The following FAM222B variants were observed in gnomAD, a reference collection of about 807,000 sequenced individuals.
FAM222B encodes protein FAM222B.
FAM222B carries 12 observed loss-of-function variants against 38.0 expected under a neutral mutation model. The ratio of observed to expected loss-of-function variants is 0.32; its 90% CI spans 0.20 to 0.51. The LOEUF (loss-of-function observed/expected upper bound fraction) is 0.51. Ranked by LOEUF, FAM222B falls within the 20% of genes least tolerant of loss-of-function variation. FAM222B has a pLI of 0.97. For synonymous variants in FAM222B, 329 were observed against 317.2 expected, an observed-to-expected ratio of 1.04 and a Z score of -0.40; for missense variants, 716 against 754.2, an observed-to-expected ratio of 0.95 and a Z score of 0.59.
In FAM222B at chr17:28,842,727, G is replaced by GCCGCCCGCCGCCCA. The variant is rs1163433585; in HGVS notation, c.-87_-86insTGGGCGGCGGGCGG. On this transcript the variant is annotated 5_prime_UTR_variant, in exon 1 of 3. Transcript: ENST00000581407. Reference sequence around the variant, plus strand: ...CCTCATGGCTGCTCCTTTGCCGCCCGCCGCCCGCCGCCACCACTTCTCCAC... The same window carrying GCCGCCCGCCGCCCA: ...CCTCATGGCTGCTCCTTTGCCGCCCGCCGCCCGCCGCCCACCGCCCGCCGCCACCACTTCTCCAC... The GCCGCCCGCCGCCCA allele has an allele frequency of 6.5e-6, 1 of 153,868 alleles. No individual in the cohort carries two copies. The highest frequency in any genetic ancestry group is 2.4e-5 in the African/African-American group (1 of 41,376). 9.5% of individuals were successfully genotyped at this position (153,868 alleles called of 1,614,324 possible). A position where few individuals can be genotyped will look rare whatever the true frequency, so the allele number is the denominator to read the frequency against.
At chr17:28,838,180 G>A (rs1308080634) in intron 1 of FAM222B, among the ~76,000 whole-genome samples, 1 of 135,870 alleles carries the variant, frequency 7.4e-6, no homozygotes, top group East Asian at 1.9e-4. Context: ...CAGGAGAACT[G>A]CTTGAAGCAG....
chr17:28,815,491 G>A (rs928389481), intron 1 of FAM222B, among the ~76,000 whole-genome samples: 1 of 152,126 alleles, frequency 6.6e-6, no homozygotes, highest in African/African-American at 2.4e-5. Flanking sequence ...TGGGATTACA[G>A]GCGTGAGCCA....
At chr17:28,827,248 T>C (rs570693671) in intron 1 of FAM222B, among the ~76,000 whole-genome samples, 2 of 152,188 alleles carry the variant, frequency 1.3e-5, no homozygotes, top group Middle Eastern at 6.8e-3. Flanking sequence ...TCCTAGCTAC[T>C]TGGGAGGCTG....
intron 1 of FAM222B, among the ~76,000 whole-genome samples, chr17:28,809,989 TTTTTTG>T (rs997705391): frequency 2.2e-4 from 34 of 151,884 alleles, no homozygotes; most frequent in South Asian, 4.2e-4. Flanking sequence ...CAACTGGTTT[TTTTTTG>T]TTTTTGTTTT....
At chr17:28,803,510 G>A (rs774125450) in intron 1 of FAM222B, among the ~76,000 whole-genome samples, 4 of 151,574 alleles carry the variant, frequency 2.6e-5, no homozygotes, top group Non-Finnish European at 4.4e-5. Context: ...TTGCTTGGGC[G>A]GGTCTCAAAC....
At chr17:28,828,918 T>A (rs77425758) in intron 1 of FAM222B, among the ~76,000 whole-genome samples, 129 of 152,040 alleles carry the variant, frequency 8.5e-4, no homozygotes, top group African/African-American at 3.0e-3. Flanking sequence ...TTTTTTTTTT[T>A]AATTGAGACG....
intron 1 of FAM222B, among the ~76,000 whole-genome samples, chr17:28,849,749 C>T (rs1598070431): frequency 6.6e-6 from 1 of 152,072 alleles, no homozygotes; most frequent in East Asian, 1.9e-4. Flanking sequence ...TCTCCTCTTT[C>T]CCTATAAGGG....
At chr17:28,847,421 C>T (rs2039152578), upstream of FAM222B, among the ~76,000 whole-genome samples, 1 of 151,378 alleles carries the variant, frequency 6.6e-6, no homozygotes, top group Non-Finnish European at 1.5e-5. Context: ...GGAGAAACCC[C>T]ATCTCTACTA....
In FAM222B at chr17:28,759,543, A is replaced by G. The variant is rs760810702; in HGVS notation, c.416T>C (p.Val139Ala). Residue 139 changes from valine (V) to alanine (A), a missense_variant, in exon 3 of 3, where the codon GTG (valine) becomes GCG (alanine). Transcript: ENST00000581407. The surrounding 1 kb of genome is among the most constrained non-coding windows in gnomAD (Gnocchi z 4.8). ...GGGGTGGGCTAAAGTGCTGGGTGCCACAGTAGCATAGGGTGCCACTGGGGG... is the reference window on the plus strand; with the variant it reads ...GGGGTGGGCTAAAGTGCTGGGTGCCGCAGTAGCATAGGGTGCCACTGGGGG... Reference protein sequence around the residue: ...MNPPVAPYATVAPSTLAHPQA... With the variant: ...MNPPVAPYATAAPSTLAHPQA... 7 of 1,601,296 alleles carry G rather than the reference A, an allele frequency of 4.4e-6. No homozygotes were observed. Among genetic ancestry groups the G allele is most frequent in the Middle Eastern group, 1.7e-4 (1 of 6,002 alleles).
chr17:28,777,998 C>T (rs2035969952), intron 1 of FAM222B, among the ~76,000 whole-genome samples: 2 of 146,248 alleles, frequency 1.4e-5, no homozygotes, highest in Admixed American at 1.4e-4. Context: ...TCATGTTGCC[C>T]AGGCTGGACT....
rs375898860 is a variant in FAM222B at position 28,767,454 on chromosome 17, G to A, written c.-40-747C>T. On this transcript the variant is annotated intron_variant, in intron 1 of 2. Coordinates refer to ENST00000581407, the MANE Select transcript of FAM222B (RefSeq NM_001077498.3). ...ATTACAGGTGTGAGCCACTGCACCC[G>A]GCCATGAACTTACATTTATTTACTT... Among the ~76,000 whole-genome samples, 85 of 151,738 alleles carry A rather than the reference G, an allele frequency of 5.6e-4. 3 individuals are homozygous for A. The East Asian group carries it at 0.013, about 23-fold the overall frequency.
At chr17:28,765,690 C>T (rs1229345021) in intron 2 of FAM222B, among the ~76,000 whole-genome samples, 4 of 152,072 alleles carry the variant, frequency 2.6e-5, no homozygotes, top group Admixed American at 6.6e-5. Flanking sequence ...GGAAGGAGTC[C>T]GGGAAAATAT....
upstream of FAM222B, among the ~76,000 whole-genome samples, chr17:28,843,309 G>GTA (rs2039107390): frequency 6.8e-6 from 1 of 147,090 alleles, no homozygotes; most frequent in Non-Finnish European, 1.5e-5. Context: ...AGCTAATTTT[G>GTA]TATTTTTAGT....
chr17:28,766,511 G>T, intron 2 of FAM222B, 75 bp downstream of exon 2: 4 of 1,197,114 alleles, frequency 3.3e-6, no homozygotes, highest in Non-Finnish European at 4.8e-6. Context: ...TACCCCAGAT[G>T]TGCTTCAAGG....
chr17:28,773,479 CAAAA>C (rs66716142), intron 1 of FAM222B, among the ~76,000 whole-genome samples: 1 of 60,786 alleles, frequency 1.6e-5, no homozygotes, highest in East Asian at 5.4e-4. Flanking sequence ...AACTCTGTCT[CAAAA>C]AAAAAAAAAA....
intron 1 of FAM222B, among the ~76,000 whole-genome samples, chr17:28,782,418 A>G (rs2036204407): frequency 6.6e-6 from 1 of 152,234 alleles, no homozygotes; most frequent in South Asian, 2.1e-4. Context: ...AGTGCTGTTC[A>G]TAATTATTTA....
Position 28,803,750 on chromosome 17 carries a change from C to T in FAM222B, c.-40-37043G>A, listed in dbSNP as rs191531785. 8.8e-4 allele frequency among the ~76,000 whole-genome samples: 134 copies of T among 152,022 alleles called. 1 individual carries two copies. The East Asian group carries it at 0.022, about 25-fold the overall frequency. On this transcript the variant is annotated intron_variant, in intron 1 of 2. Coordinates refer to ENST00000581407, the MANE Select transcript of FAM222B (RefSeq NM_001077498.3). ...ATCCCAGCACTTTGGGAGGCCGAGA[C>T]GGGTGGATCAAGAGGTCAGGAGTTC... is the stretch of plus-strand genomic sequence containing the variant.
At chr17:28,775,309 A>G (rs2035834445) in intron 1 of FAM222B, among the ~76,000 whole-genome samples, 1 of 151,976 alleles carries the variant, frequency 6.6e-6, no homozygotes, top group South Asian at 2.1e-4. Context: ...GAAAAGGAGG[A>G]GAAGATAAAG....
intron 2 of FAM222B, among the ~76,000 whole-genome samples, chr17:28,762,469 T>C (rs1156858045): frequency 3.0e-5 from 4 of 135,064 alleles, no homozygotes; most frequent in Non-Finnish European, 4.8e-5. Flanking sequence ...CTACTAAAAA[T>C]ACAAAAAATT....
Sources: gnomAD v4.1 joint callset for allele counts (sites outside exome capture counted in the v4.1 genomes callset) on GRCh38, gnomAD v4.1.1 for gene constraint, Gnocchi (gnomAD v3.1) non-coding constraint, MANE v1.5 for transcripts, NCBI Gene and HGNC (gene_info 2026-07-23, HGNC 2026-07-21) for gene names.